NUP58: variants seen among roughly 807,000 people sequenced by gnomAD.
NUP58 encodes the protein nucleoporin p58/p45.
NUP58 carries 17 observed loss-of-function variants against 70.1 expected under a neutral mutation model. The ratio of observed to expected loss-of-function variants is 0.24; its 90% CI spans 0.17 to 0.36. NUP58 has a LOEUF of 0.36. NUP58 is among the 10% of genes least tolerant of loss of function. The pLI is 1.00. For missense variants in NUP58, 644 were observed against 701.5 expected (o/e 0.92, Z 0.93); for synonymous variants, 275 against 257.6 (o/e 1.07, Z -0.65).
At chr13:25,322,998 T>C (rs1285921445) in intron 9 of NUP58, among the ~76,000 whole-genome samples, 1 of 152,164 alleles carries the variant, frequency 6.6e-6, no homozygotes, top group Non-Finnish European at 1.5e-5. Flanking sequence ...AAGAAGTGAA[T>C]GCTGTAATGG....
intron 8 of NUP58, 109 bp downstream of exon 8, chr13:25,320,704 C>A: frequency 1.2e-6 from 1 of 824,334 alleles, no homozygotes; most frequent in Non-Finnish European, 1.9e-6. Context: ...CATCTCTTAA[C>A]TAGGGTTAAA....
downstream of NUP58, among the ~76,000 whole-genome samples, chr13:25,344,826 C>T (rs1275109189): frequency 6.6e-6 from 1 of 152,118 alleles, no homozygotes; most frequent in Non-Finnish European, 1.5e-5. Flanking sequence ...TACATTATTA[C>T]AACCAGTTAT....
chr13:25,334,256 T>G (rs1393187481), intron 13 of NUP58: 1 of 985,286 alleles, frequency 1.0e-6, no homozygotes. Context: ...ACATTTACAT[T>G]AGGCTTTTCA....
chr13:25,307,686 T>C (rs112411025), intron 1 of NUP58, 120 bp from the exon 2 acceptor site: 13 of 904,906 alleles, frequency 1.4e-5, no homozygotes, highest in Non-Finnish European at 2.1e-5. Flanking sequence ...GTATTAGATA[T>C]GTTATGTGAA....
At chr13:25,339,332 T>A (rs536388572) in intron 15 of NUP58, among the ~76,000 whole-genome samples, 2 of 152,192 alleles carry the variant, frequency 1.3e-5, no homozygotes, top group Non-Finnish European at 2.9e-5. Context: ...GTGAAAGATG[T>A]GTTTAAATTT....
chr13:25,333,055 AG>A (rs2031665692), intron 13 of NUP58: 1 of 984,840 alleles, frequency 1.0e-6, no homozygotes, highest in African/African-American at 1.7e-5. Flanking sequence ...TTATATAAAA[AG>A]TTATGTTGTA....
chr13:25,303,506 T>TG (rs2030136906), intron 1 of NUP58, among the ~76,000 whole-genome samples: 1 of 152,192 alleles, frequency 6.6e-6, no homozygotes, highest in Non-Finnish European at 1.5e-5. Context: ...CTCATGGTCC[T>TG]GATCTTAGAA....
At chr13:25,303,241 T>C (rs1467146903) in intron 1 of NUP58, 1 of 389,190 alleles carries the variant, frequency 2.6e-6, no homozygotes, top group Admixed American at 3.5e-5. Context: ...AAAAAAAAAC[T>C]TACCATAGTC....
At chr13:25,319,761 C>T (rs986718246) in intron 7 of NUP58, among the ~76,000 whole-genome samples, 5 of 152,022 alleles carry the variant, frequency 3.3e-5, no homozygotes, top group Admixed American at 3.3e-4. Flanking sequence ...CCATATACAT[C>T]ATATATATGT....
rs2031811653 is a variant in NUP58, at chr13:25,337,047, T to TTA, written c.1534+14_1534+15insAT. The TTA allele has an allele frequency of 4.5e-5, 70 of 1,542,290 alleles. No individual in the cohort carries two copies. The highest frequency in any genetic ancestry group is 6.2e-5 in the Non-Finnish European group (70 of 1,134,412). Reference sequence around the variant, plus strand: ...TCAAACCTTGGAGGTACACTTTAACTTTTCTAATATTTCATTGAACTATTA... The same window carrying TTA: ...TCAAACCTTGGAGGTACACTTTAACTTATTTCTAATATTTCATTGAACTATTA... On this transcript the variant is annotated intron_variant, in intron 14 of 15. Coordinates refer to ENST00000381736, the MANE Select transcript of NUP58 (RefSeq NM_014089.4).
chr13:25,331,828 T>C, intron 13 of NUP58: 2 of 1,250,934 alleles, frequency 1.6e-6, no homozygotes, highest in East Asian at 7.6e-5. Flanking sequence ...CTTTAGAACA[T>C]GGTGTTTCAC....
chr13:25,315,007 ACC>A (rs1397654691), intron 5 of NUP58, among the ~76,000 whole-genome samples: 5 of 152,190 alleles, frequency 3.3e-5, no homozygotes, highest in Non-Finnish European at 7.3e-5. Flanking sequence ...AGATGTATTC[ACC>A]TGAAAATACA....
At chr13:25,310,648 C>T (rs1294620022) in intron 3 of NUP58, among the ~76,000 whole-genome samples, 8 of 150,412 alleles carry the variant, frequency 5.3e-5, no homozygotes, top group Admixed American at 4.7e-4. Context: ...CAGGCTTGAG[C>T]CACACCAAGC....
At chr13:25,309,046 A>G (rs1160448436) in intron 2 of NUP58, among the ~76,000 whole-genome samples, 1 of 152,204 alleles carries the variant, frequency 6.6e-6, no homozygotes, top group Non-Finnish European at 1.5e-5. Flanking sequence ...TTCCTTAATC[A>G]AATTATGTAT....
rs899628778 is a variant in NUP58 at position 25,301,999 on chromosome 13, A to G, written c.107+119A>G. The G allele has an allele frequency of 5.9e-6, 4 of 683,710 alleles. No individual in the cohort carries two copies. In the African/African-American group the frequency reaches 7.4e-5, roughly 13 times the overall value. The allele number at this position is 683,710 out of a possible 1,614,324, so 42.4% of individuals were successfully genotyped here. On this transcript the variant is annotated intron_variant, in intron 1 of 15. Coordinates refer to ENST00000381736, the MANE Select transcript of NUP58 (RefSeq NM_014089.4). Reference sequence around the variant, plus strand: ...GGCTTCCTTCCCAGTGGGGCTGGAGAGAAGCACTTAATCTAGCCGCCCGGC... The same window carrying G: ...GGCTTCCTTCCCAGTGGGGCTGGAGGGAAGCACTTAATCTAGCCGCCCGGC...
intron 3 of NUP58, among the ~76,000 whole-genome samples, chr13:25,348,206 G>C (rs61384627): frequency 0.011 from 1,622 of 152,208 alleles, 26 homozygotes; most frequent in African/African-American, 0.037. Context: ...GGAAAAACTT[G>C]AGTATATGAG....
At chr13:25,337,401 A>G (rs1243136406) in intron 14 of NUP58, among the ~76,000 whole-genome samples, 1 of 152,166 alleles carries the variant, frequency 6.6e-6, no homozygotes, top group Non-Finnish European at 1.5e-5. Flanking sequence ...GATGATATAC[A>G]TTCTCCTAAT....
At chr13:25,348,827 C>G (rs751339666) in intron 3 of NUP58, among the ~76,000 whole-genome samples, 2 of 152,188 alleles carry the variant, frequency 1.3e-5, no homozygotes, top group African/African-American at 2.4e-5. Context: ...TCTTCACAAA[C>G]AGGGTCATGT....
In NUP58 at chr13:25,324,945, T is replaced by C. The variant is rs752771202; in HGVS notation, c.952-44T>C. 3.1e-6 allele frequency: 4 copies of C among 1,310,340 alleles called. 1 individual carries two copies. The South Asian group carries it at 5.1e-5, about 17-fold the overall frequency. 81.2% of individuals were successfully genotyped at this position (1,310,340 alleles called of 1,614,324 possible). On this transcript the variant is annotated intron_variant, in intron 9 of 15. Transcript: ENST00000381736. ...TCGTACGGTATTTTTAACATAACTC[T>C]TAACTGGCTTTTTTTTTTTTTTTTA...
Sources: gnomAD v4.1 joint callset for allele counts (sites outside exome capture counted in the v4.1 genomes callset) on GRCh38, gnomAD v4.1.1 for gene constraint, MANE v1.5 for transcripts, NCBI Gene and HGNC (gene_info 2026-07-23, HGNC 2026-07-21) for gene names.